STK33: variants seen among roughly 807,000 people sequenced by gnomAD.
The protein encoded by STK33 is serine/threonine-protein kinase 33.
In STK33, 52 loss-of-function variants were observed where a neutral mutation model predicts 58.0. That is an observed-to-expected ratio of 0.90 (90% confidence interval 0.72 to 1.13). The LOEUF is 1.13. Among genes scored for constraint, STK33 ranks in the 50% most tolerant of loss-of-function variants. The pLI is 0.00. For missense variants in STK33, 630 were observed against 604.2 expected, an observed-to-expected ratio of 1.04 and a Z score of -0.45; for synonymous variants, 215 against 200.1, an observed-to-expected ratio of 1.07 and a Z score of -0.63.
At chr11:8,566,556 T>G (rs557928400) in intron 1 of STK33, among the ~76,000 whole-genome samples, 1 of 152,206 alleles carries the variant, frequency 6.6e-6, no homozygotes, top group South Asian at 2.1e-4. Context: ...CTGTGCCAGA[T>G]AGCATCTCAT....
chr11:8,464,348 A>C (rs1165177385), intron 7 of STK33, among the ~76,000 whole-genome samples: 1 of 152,214 alleles, frequency 6.6e-6, no homozygotes, highest in African/African-American at 2.4e-5. Context: ...ATATCAAAAC[A>C]AAATCAGGAG....
Position 8,461,883 on chromosome 11 carries a change from A to C in STK33, c.480T>G (p.Leu160=). The C allele has an allele frequency of 1.3e-6, 2 of 1,598,984 alleles. No individual in the cohort carries two copies. Among genetic ancestry groups the C allele is most frequent in the Non-Finnish European group, 1.7e-6 (2 of 1,173,950 alleles). ...EKAGSSAVKL[L]EREVNILKSV... is the part of the protein sequence containing the mutation. ...TTTTCAGAATGTTCACCTCTCGTTC[A>C]AGTAACTTCACAGCAGAGCTTCCAG... is the stretch of plus-strand genomic sequence containing the variant. The change falls in exon 8 of 16, where the codon CTT becomes CTG. Residue 160 remains leucine, a synonymous_variant. Coordinates refer to ENST00000687296, the MANE Select transcript of STK33 (RefSeq NM_001352389.2).
chr11:8,407,964 T>C (rs144892739), intron 15 of STK33, among the ~76,000 whole-genome samples: 14 of 152,140 alleles, frequency 9.2e-5, no homozygotes, highest in African/African-American at 2.9e-4. Flanking sequence ...ACAATACATA[T>C]AAGTGAAGAA....
chr11:8,478,334 T>C (rs1949476438), intron 2 of STK33, among the ~76,000 whole-genome samples: 1 of 152,182 alleles, frequency 6.6e-6, no homozygotes, highest in Non-Finnish European at 1.5e-5. Context: ...AATCTTCTAA[T>C]ACAATAATGT....
At chr11:8,590,476 T>C (rs2032424511) in intron 1 of STK33, among the ~76,000 whole-genome samples, 1 of 152,126 alleles carries the variant, frequency 6.6e-6, no homozygotes, top group African/African-American at 2.4e-5. Context: ...CAATAGAAAA[T>C]TGTTTTTTCT....
chr11:8,345,551 C>T, the STK33 span, among the ~76,000 whole-genome samples: 1 of 152,216 alleles, frequency 6.6e-6, no homozygotes, highest in Non-Finnish European at 1.5e-5. Flanking sequence ...TCATAGCATG[C>T]GGTTTGGGTG....
chr11:8,593,953 C>T (rs1201343168), intron 1 of STK33, 130 bp downstream of exon 1: 2 of 152,204 alleles, frequency 1.3e-5, no homozygotes, highest in African/African-American at 4.8e-5. Context: ...ACCAGCCGGC[C>T]GGCAGCGAGA....
At chr11:8,466,665 G>T (rs1948221536) in intron 6 of STK33, 1 of 152,242 alleles carries the variant, frequency 6.6e-6, no homozygotes, top group Non-Finnish European at 1.5e-5. Context: ...TCTAGGGTCT[G>T]GAGAATGGTG....
intron 1 of STK33, among the ~76,000 whole-genome samples, chr11:8,492,952 A>T (rs4485102): frequency 6.6e-6 from 1 of 152,190 alleles, no homozygotes; most frequent in Non-Finnish European, 1.5e-5. Flanking sequence ...AAAGCAGTGT[A>T]TAGAGGGAAA....
chr11:8,451,335 T>C (rs564162826), intron 11 of STK33, among the ~76,000 whole-genome samples: 2 of 152,298 alleles, frequency 1.3e-5, no homozygotes, highest in South Asian at 2.1e-4. Flanking sequence ...AAAATCCACA[T>C]GTGCATCAGG....
chr11:8,516,878 C>G (rs1031109104), intron 1 of STK33, among the ~76,000 whole-genome samples: 1 of 152,172 alleles, frequency 6.6e-6, no homozygotes, highest in African/African-American at 2.4e-5. Flanking sequence ...AGGAGGCCTG[C>G]CTGCCTCTGT....
intron 1 of STK33, among the ~76,000 whole-genome samples, chr11:8,574,222 G>A (rs1283731357): frequency 6.6e-6 from 1 of 152,166 alleles, no homozygotes; most frequent in Non-Finnish European, 1.5e-5. Context: ...ATATACAACT[G>A]TAGAGGTCTG....
At chr11:8,487,421 C>CA (rs35061686) in intron 1 of STK33, among the ~76,000 whole-genome samples, 1,960 of 102,842 alleles carry the variant, frequency 0.019, 40 homozygotes, top group Non-Finnish European at 0.03. Flanking sequence ...GACCCAGTCT[C>CA]AAAAAAAAAA....
rs184434877 is a variant in STK33, at chr11:8,478,985, C to G, written c.-261+1425G>C. 2.7e-3 allele frequency among the ~76,000 whole-genome samples: 409 copies of G among 152,226 alleles called. 3 individuals carry two copies. The highest frequency in any genetic ancestry group is 4.7e-3 in the Non-Finnish European group (317 of 67,992). ...AGTATATTTAAAATTCACATTATTT[C>G]AGAATTTTTTTAAATGTTTGAGTGA... On this transcript the variant is annotated intron_variant, in intron 2 of 15. Coordinates refer to ENST00000687296, the MANE Select transcript of STK33 (RefSeq NM_001352389.2).
At chr11:8,495,649 G>A (rs1173047128) in intron 1 of STK33, among the ~76,000 whole-genome samples, 3 of 152,132 alleles carry the variant, frequency 2.0e-5, no homozygotes, top group South Asian at 2.1e-4. Flanking sequence ...ACACGCACAT[G>A]TATATTTATT....
intron 1 of STK33, among the ~76,000 whole-genome samples, chr11:8,487,104 C>A (rs182973057): frequency 5.5e-4 from 84 of 152,124 alleles, no homozygotes; most frequent in Non-Finnish European, 1.1e-3. Context: ...AAGGAGAAAT[C>A]TAGGTAGAAA....
intron 1 of STK33, among the ~76,000 whole-genome samples, chr11:8,567,520 G>A (rs550240569): frequency 2.6e-5 from 4 of 152,168 alleles, no homozygotes; most frequent in Non-Finnish European, 5.9e-5. Flanking sequence ...CATTTCTTTA[G>A]GGATTGGCTA....
chr11:8,586,423 G>A (rs1056385318), intron 1 of STK33, among the ~76,000 whole-genome samples: 15 of 151,910 alleles, frequency 9.9e-5, no homozygotes, highest in African/African-American at 3.4e-4. Flanking sequence ...CTTCCCTTTT[G>A]CTCATCCCTC....
At chr11:8,367,558 A>G in the STK33 span, among the ~76,000 whole-genome samples, 2 of 152,210 alleles carry the variant, frequency 1.3e-5, no homozygotes, top group Non-Finnish European at 2.9e-5. Context: ...AAGAATGAGT[A>G]GCAACTCACC....
Sources: allele counts gnomAD v4.1 joint callset (sites outside exome capture counted in the v4.1 genomes callset), GRCh38; gene constraint gnomAD v4.1.1; transcripts MANE v1.5; gene names NCBI Gene and HGNC (gene_info 2026-07-23, HGNC 2026-07-21).